MYT1L: variants seen among roughly 807,000 people sequenced by gnomAD.
MYT1L encodes the protein myelin transcription factor 1 like, also known as myelin transcription factor 1-like protein.
In MYT1L, 12 loss-of-function variants were observed where a neutral mutation model predicts 126.7. The ratio of observed to expected loss-of-function variants is 0.09; its 90% confidence interval spans 0.06 to 0.15. The LOEUF is 0.15. MYT1L is among the 10% of genes least tolerant of loss of function. The pLI is 1.00. For synonymous variants in MYT1L, 541 were observed against 604.2 expected (o/e 0.90, Z 1.53); for missense variants, 979 against 1,585.2 (o/e 0.62, Z 6.49).
chr2:2,151,637 T>C (rs1395245189), intron 3 of MYT1L, among the ~76,000 whole-genome samples: 1 of 152,234 alleles, frequency 6.6e-6, no homozygotes, highest in Admixed American at 6.5e-5. Flanking sequence ...AAATCTCGGA[T>C]AGTACCACAC....
At chr2:2,193,673 AAAT>A (rs1290598952) in intron 2 of MYT1L, among the ~76,000 whole-genome samples, 2 of 152,188 alleles carry the variant, frequency 1.3e-5, no homozygotes, top group African/African-American at 4.8e-5. Flanking sequence ...TGAGAATTGA[AAAT>A]AACTGAGCAG....
intron 4 of MYT1L, among the ~76,000 whole-genome samples, chr2:2,013,855 G>A (rs914444377): frequency 6.6e-6 from 1 of 152,236 alleles, no homozygotes; most frequent in East Asian, 1.9e-4. Context: ...GCTGCACGGA[G>A]GCCTGCGTCC....
chr2:1,957,653 T>C (rs547074829), intron 8 of MYT1L, among the ~76,000 whole-genome samples: 10 of 152,292 alleles, frequency 6.6e-5, no homozygotes, highest in African/African-American at 2.4e-4. Context: ...ATCGTTATCA[T>C]CTATAATCTA....
At chr2:1,833,387 G>T (rs1453542897) in intron 21 of MYT1L, among the ~76,000 whole-genome samples, 2 of 152,112 alleles carry the variant, frequency 1.3e-5, no homozygotes, top group Admixed American at 6.5e-5. Flanking sequence ...GGGCCTCATG[G>T]TCCCTGGTCA....
chr2:2,138,811 T>A (rs1261430269), intron 3 of MYT1L, among the ~76,000 whole-genome samples: 1 of 149,626 alleles, frequency 6.7e-6, no homozygotes, highest in East Asian at 2.0e-4. Flanking sequence ...AACCTGCACA[T>A]TGTGCACATG....
chr2:2,150,580 CA>C (rs1295147689), intron 3 of MYT1L, among the ~76,000 whole-genome samples: 1 of 152,142 alleles, frequency 6.6e-6, no homozygotes, highest in Non-Finnish European at 1.5e-5. Context: ...GACTAAATTA[CA>C]ATTTTTTTTA....
At chr2:2,137,371 T>C (rs369015502) in intron 3 of MYT1L, among the ~76,000 whole-genome samples, 5 of 152,272 alleles carry the variant, frequency 3.3e-5, no homozygotes, top group African/African-American at 7.2e-5. Context: ...AAAAAGAGCC[T>C]GCATCACCAA....
chr2:2,177,374 A>T (rs1206379780), intron 2 of MYT1L, among the ~76,000 whole-genome samples: 2 of 152,238 alleles, frequency 1.3e-5, no homozygotes, highest in Non-Finnish European at 2.9e-5. Context: ...GTAAATAGGC[A>T]ATCTAAGACT....
At chr2:1,983,902 C>T (rs1459846695) in intron 5 of MYT1L, among the ~76,000 whole-genome samples, 1 of 152,204 alleles carries the variant, frequency 6.6e-6, no homozygotes, top group African/African-American at 2.4e-5. Context: ...TTTAGAAAAT[C>T]ACCCTTAAAA....
At chr2:2,330,317 T>C (rs1177683133) in intron 1 of MYT1L, among the ~76,000 whole-genome samples, 5 of 152,138 alleles carry the variant, frequency 3.3e-5, no homozygotes, top group Non-Finnish European at 5.9e-5. Flanking sequence ...CTATATTTTA[T>C]ATAGCTAACT....
At chr2:2,209,932 C>T (rs528659140) in intron 2 of MYT1L, among the ~76,000 whole-genome samples, 2 of 152,316 alleles carry the variant, frequency 1.3e-5, no homozygotes, top group East Asian at 3.9e-4. Context: ...TTCTGTTTCT[C>T]CACATTCTCT....
chr2:1,891,095 G>C (rs2048815857), intron 15 of MYT1L, among the ~76,000 whole-genome samples: 1 of 151,990 alleles, frequency 6.6e-6, no homozygotes, highest in Non-Finnish European at 1.5e-5. Context: ...GCATGCACCT[G>C]ACTCTTCTCC....
At position 2,005,689 on chromosome 2, in the gene MYT1L, T is replaced by A. The variant is rs192655859; in HGVS notation, c.-157-8342A>T. Among the ~76,000 whole-genome samples, 644 of 150,344 alleles carry A rather than the reference T, an allele frequency of 4.3e-3. 4 individuals are homozygous for A. Among genetic ancestry groups the A allele is most frequent in the Non-Finnish European group, 7.9e-3 (531 of 67,530 alleles). ...TTTCCTGCATGCGTTCTTTCCTGCG[T>A]GCCTTCTCTCCTGCAGGCGTTCTTT... On this transcript the variant is annotated intron_variant, in intron 4 of 24. Transcript: ENST00000647738.
In MYT1L at chr2:2,082,405, C is replaced by A. The variant is rs571685657; in HGVS notation, c.-303-28282G>T. 3.9e-5 allele frequency among the ~76,000 whole-genome samples: 6 copies of A among 152,304 alleles called. No homozygotes were observed. The South Asian group carries it at 8.3e-4, about 21-fold the overall frequency. ...TTTCAGAGTCACTGAAAAACAGTCT[C>A]ATTTCTTCAAGTTTTACACGAGCAA... On this transcript the variant is annotated intron_variant, in intron 3 of 24. Transcript: ENST00000647738.
At chr2:2,150,493 C>T (rs1454077206) in intron 3 of MYT1L, among the ~76,000 whole-genome samples, 1 of 152,116 alleles carries the variant, frequency 6.6e-6, no homozygotes, top group Non-Finnish European at 1.5e-5. Context: ...AGTTTGAACA[C>T]CAGGGTTAAA....
intron 8 of MYT1L, among the ~76,000 whole-genome samples, chr2:1,977,190 A>G (rs1477032694): frequency 6.6e-6 from 1 of 152,204 alleles, no homozygotes; most frequent in African/African-American, 2.4e-5. Flanking sequence ...CTCCTCCCTA[A>G]CATCCCAGCG....
At chr2:2,069,606 C>G (rs1040392475) in intron 3 of MYT1L, among the ~76,000 whole-genome samples, 3 of 152,056 alleles carry the variant, frequency 2.0e-5, no homozygotes, top group Admixed American at 6.5e-5. Context: ...ATTGTTGGCT[C>G]AAGTGGTATT....
rs796600301 is a variant in MYT1L at position 2,059,049 on chromosome 2, G to A, written c.-303-4926C>T. On this transcript the variant is annotated intron_variant, in intron 3 of 24. Coordinates refer to ENST00000647738, the MANE Select transcript of MYT1L (RefSeq NM_001303052.2). This position sits in a 1 kb window ranked among gnomAD's most constrained non-coding sequence, Gnocchi z 4.7. Reference sequence around the variant, plus strand: ...GTTTATATAAACTCAAGGACAATTGGGTCATGTCTGCTGTTTGAGAGAAGG... The same window carrying A: ...GTTTATATAAACTCAAGGACAATTGAGTCATGTCTGCTGTTTGAGAGAAGG... 1.9e-4 allele frequency among the ~76,000 whole-genome samples: 29 copies of A among 152,284 alleles called. No individual in the cohort carries two copies. Among genetic ancestry groups the A allele is most frequent in the African/African-American group, 6.7e-4 (28 of 41,552 alleles).
At chr2:1,867,621 T>C (rs1198437815) in intron 18 of MYT1L, among the ~76,000 whole-genome samples, 1 of 152,092 alleles carries the variant, frequency 6.6e-6, no homozygotes, top group Non-Finnish European at 1.5e-5. Flanking sequence ...GTCCACAGGT[T>C]TCTGGGGGTG....
Sources: allele counts gnomAD v4.1 joint callset (sites outside exome capture counted in the v4.1 genomes callset), GRCh38; gene constraint gnomAD v4.1.1; non-coding constraint Gnocchi (gnomAD v3.1); transcripts MANE v1.5; gene names NCBI Gene and HGNC (gene_info 2026-07-23, HGNC 2026-07-21).